ZNF423: variants seen among roughly 807,000 people sequenced by gnomAD.
ZNF423 encodes zinc finger protein 423, also known as Ebf-associated zinc finger protein.
A neutral mutation model predicts 95.8 loss-of-function variants in ZNF423; 12 were observed. The observed-to-expected ratio is 0.13, with a 90% confidence interval of 0.08 to 0.20. The LOEUF (loss-of-function observed/expected upper bound fraction) is 0.20, where lower values mean the gene tolerates loss of function less well. ZNF423 is among the 10% of genes least tolerant of loss of function. The probability of loss-of-function intolerance (pLI) is 1.00; values close to 1 mark genes in which losing one functional copy is unlikely to be tolerated. For synonymous variants in ZNF423, 749 were observed against 711.9 expected (o/e 1.05, Z -0.83); for missense variants, 1,316 against 1,737.1 (o/e 0.76, Z 4.31).
At chr16:49,644,235 C>G (rs12443940) in intron 3 of ZNF423, among the ~76,000 whole-genome samples, 28 of 152,096 alleles carry the variant, frequency 1.8e-4, no homozygotes, top group African/African-American at 6.7e-4. Context: ...CGAAGCTATG[C>G]AAGAGGCCCT....
chr16:49,561,948 C>T (rs547533359), intron 5 of ZNF423, among the ~76,000 whole-genome samples: 190 of 152,182 alleles, frequency 1.2e-3, no homozygotes, highest in African/African-American at 4.5e-3. Flanking sequence ...CTCTGCTTTA[C>T]GGGGATAAAT....
chr16:49,834,746 C>T lies in ZNF423; in HGVS notation c.40+20989G>A, dbSNP rs540530465. Among the ~76,000 whole-genome samples the T allele has an allele frequency of 3.5e-4, 53 of 152,276 alleles. 1 individual carries two copies. The highest frequency in any genetic ancestry group is 1.3e-3 in the African/African-American group (53 of 41,566). On this transcript the variant is annotated intron_variant, in intron 1 of 7. Coordinates refer to ENST00000563137, the MANE Select transcript of ZNF423 (RefSeq NM_001379286.1). ...CTGTGTGCCAGTCCCTGGGGCCGGG[C>T]CGGCTCAGCCTGCAGGCTCCATCCA...
At chr16:49,615,511 A>G (rs145469350) in intron 5 of ZNF423, among the ~76,000 whole-genome samples, 1 of 152,244 alleles carries the variant, frequency 6.6e-6, no homozygotes, top group African/African-American at 2.4e-5. Flanking sequence ...GAGAATGAGC[A>G]AAGGGATGCC....
At chr16:49,563,914 T>C (rs562718052) in intron 5 of ZNF423, among the ~76,000 whole-genome samples, 8 of 152,374 alleles carry the variant, frequency 5.3e-5, no homozygotes, top group South Asian at 2.1e-4. Flanking sequence ...GCAGAGCTTA[T>C]TTCCCACCAT....
At chr16:49,671,693 T>G (rs1411092635) in intron 3 of ZNF423, among the ~76,000 whole-genome samples, 1 of 151,370 alleles carries the variant, frequency 6.6e-6, no homozygotes, top group Non-Finnish European at 1.5e-5. Context: ...TTATTTATTA[T>G]TTTTTTTTGA....
chr16:49,597,121 A>G (rs2151825369), intron 5 of ZNF423, among the ~76,000 whole-genome samples: 1 of 152,290 alleles, frequency 6.6e-6, no homozygotes, highest in South Asian at 2.1e-4. Context: ...GGAGCACTCC[A>G]AGTTGGGAGT....
intron 5 of ZNF423, among the ~76,000 whole-genome samples, chr16:49,565,177 T>C (rs970738643): frequency 6.6e-6 from 1 of 152,200 alleles, no homozygotes; most frequent in South Asian, 2.1e-4. Context: ...ATTGTCTGCA[T>C]ACGGGCGAAC....
rs574694211 is a variant in ZNF423 at position 49,576,418 on chromosome 16, T to C, written c.3601+49752A>G. On this transcript the variant is annotated intron_variant, in intron 5 of 7. Transcript: ENST00000563137. ...GGGCACTGCCAGGTGCCCTGAACCTTGACAGAGTCAAGTCTATTGAGTGTT... is the reference window on the plus strand; with the variant it reads ...GGGCACTGCCAGGTGCCCTGAACCTCGACAGAGTCAAGTCTATTGAGTGTT... Among the ~76,000 whole-genome samples, 3 of 152,326 alleles carry C rather than the reference T, an allele frequency of 2.0e-5. No homozygotes were observed. In the East Asian group the frequency reaches 5.8e-4, roughly 29 times the overall value.
chr16:49,851,014 C>T (rs1037419192), intron 1 of ZNF423, among the ~76,000 whole-genome samples: 1 of 152,152 alleles, frequency 6.6e-6, no homozygotes, highest in African/African-American at 2.4e-5. Context: ...AACTCAGAGC[C>T]GAAAGGCTCT....
intron 3 of ZNF423, among the ~76,000 whole-genome samples, chr16:49,713,700 G>C (rs2032615733): frequency 6.6e-6 from 1 of 152,164 alleles, no homozygotes; most frequent in Non-Finnish European, 1.5e-5. Context: ...CCTGACCAAG[G>C]GGGTATTCTT....
chr16:49,565,531 C>T (rs555647278), intron 5 of ZNF423, among the ~76,000 whole-genome samples: 1 of 152,270 alleles, frequency 6.6e-6, no homozygotes, highest in African/African-American at 2.4e-5. Flanking sequence ...GCTTTTCTCC[C>T]CTAAGGAAGC....
intron 7 of ZNF423, among the ~76,000 whole-genome samples, chr16:49,520,366 A>G (rs886616100): frequency 2.0e-5 from 3 of 152,210 alleles, no homozygotes; most frequent in African/African-American, 7.2e-5. Flanking sequence ...AAGAGGACTC[A>G]CACCTCCCTT....
chr16:49,544,373 T>C (rs1219438596), intron 5 of ZNF423, among the ~76,000 whole-genome samples: 3 of 152,194 alleles, frequency 2.0e-5, no homozygotes, highest in Non-Finnish European at 2.9e-5. Context: ...GAACGTACGC[T>C]ATACTTCAAC....
At chr16:49,653,185 C>T (rs932315704) in intron 3 of ZNF423, among the ~76,000 whole-genome samples, 3 of 152,014 alleles carry the variant, frequency 2.0e-5, no homozygotes, top group Non-Finnish European at 4.4e-5. Context: ...GAGGCGTCCC[C>T]TGCTGCCCAG....
chr16:49,524,952 G>A (rs941090217), intron 6 of ZNF423, among the ~76,000 whole-genome samples: 1 of 152,220 alleles, frequency 6.6e-6, no homozygotes, highest in Non-Finnish European at 1.5e-5. Flanking sequence ...AGGTAGGCCA[G>A]GGAAGGGGGA....
At chr16:49,615,177 G>T (rs1036683502) in intron 5 of ZNF423, among the ~76,000 whole-genome samples, 2 of 144,232 alleles carry the variant, frequency 1.4e-5, no homozygotes, top group African/African-American at 2.8e-5. Context: ...GGGCAGGGGG[G>T]TAATGAGCAC....
At chr16:49,680,219 A>G (rs1448484163) in intron 3 of ZNF423, among the ~76,000 whole-genome samples, 1 of 152,188 alleles carries the variant, frequency 6.6e-6, no homozygotes, top group African/African-American at 2.4e-5. Context: ...TACCCACTGC[A>G]GGTGTCCTCT....
intron 4 of ZNF423, among the ~76,000 whole-genome samples, chr16:49,629,131 C>A (rs1596743897): frequency 6.6e-6 from 1 of 152,132 alleles, no homozygotes; most frequent in Non-Finnish European, 1.5e-5. Context: ...TCAGCTCCTA[C>A]TTCCCTCTTT....
At chr16:49,643,085 T>C (rs1266773207) in intron 3 of ZNF423, among the ~76,000 whole-genome samples, 1 of 152,064 alleles carries the variant, frequency 6.6e-6, no homozygotes, top group African/African-American at 2.4e-5. Flanking sequence ...CCTCCCAAAG[T>C]GCTGGGATTA....
Sources: allele counts gnomAD v4.1 joint callset (sites outside exome capture counted in the v4.1 genomes callset), GRCh38; gene constraint gnomAD v4.1.1; transcripts MANE v1.5; gene names NCBI Gene and HGNC (gene_info 2026-07-23, HGNC 2026-07-21).